Variants in ARIH2 observed in about 807,000 individuals in gnomAD.
The protein encoded by ARIH2 is ariadne RBR E3 ubiquitin protein ligase 2, also known as E3 ubiquitin-protein ligase ARIH2.
ARIH2 carries 12 observed loss-of-function variants against 79.8 expected under a neutral mutation model. The ratio of observed to expected loss-of-function variants is 0.15; its 90% confidence interval spans 0.10 to 0.24. The LOEUF is 0.24. Ranked by LOEUF, ARIH2 falls within the 10% of genes least tolerant of loss-of-function variation. The pLI, the probability that ARIH2 is intolerant of heterozygous loss-of-function variation, is 1.00. For missense variants in ARIH2, 301 were observed against 618.3 expected (o/e 0.49, Z 5.44); for synonymous variants, 224 against 213.9 (o/e 1.05, Z -0.41).
At chr3:48,969,891 TG>T (rs1243691468) in intron 7 of ARIH2, among the ~76,000 whole-genome samples, 1 of 150,080 alleles carries the variant, frequency 6.7e-6, no homozygotes, top group Admixed American at 6.7e-5. Flanking sequence ...CTCAGATATA[TG>T]TTTTTTTTTT....
intron 8 of ARIH2, among the ~76,000 whole-genome samples, chr3:48,971,518 C>T (rs1181732041): frequency 2.0e-5 from 3 of 152,192 alleles, no homozygotes; most frequent in Non-Finnish European, 4.4e-5. Flanking sequence ...GCTGGGATTA[C>T]AGGATTGAGC....
At chr3:48,935,565 T>C (rs1332211118) in intron 3 of ARIH2, among the ~76,000 whole-genome samples, 1 of 152,216 alleles carries the variant, frequency 6.6e-6, no homozygotes, top group Non-Finnish European at 1.5e-5. Flanking sequence ...GGTCAGATGA[T>C]TGGGTTCCAG....
At position 48,980,402 on chromosome 3, in the gene ARIH2, G is replaced by A. The variant is rs757902535; in HGVS notation, c.1163G>A (p.Arg388Gln). 1.7e-5 allele frequency: 27 copies of A among 1,613,950 alleles called. No homozygotes were observed. Among genetic ancestry groups the A allele is most frequent in the Admixed American group, 8.3e-5 (5 of 59,992 alleles). ...SLQLEAQTYQRIHEKIQERVM... is the reference protein window; with the variant it reads ...SLQLEAQTYQQIHEKIQERVM... ...CAGCTAGAGGCACAGACATACCAGC[G>A]GATTCACGAGAAGATTCAGGAGAGG... is the stretch of plus-strand genomic sequence containing the variant. The change falls in exon 13 of 16, where the codon CGG (arginine) becomes CAG (glutamine). Residue 388 changes from arginine (R) to glutamine (Q), a missense_variant. Coordinates refer to ENST00000356401, the MANE Select transcript of ARIH2 (RefSeq NM_006321.4).
intron 11 of ARIH2, among the ~76,000 whole-genome samples, chr3:48,976,489 G>A (rs1022334535): frequency 2.0e-5 from 3 of 152,062 alleles, no homozygotes; most frequent in Non-Finnish European, 4.4e-5. Flanking sequence ...GGGATTACAG[G>A]TGTGAGCCAC....
chr3:48,931,516 T>C (rs1263785339), intron 3 of ARIH2, among the ~76,000 whole-genome samples: 1 of 150,668 alleles, frequency 6.6e-6, no homozygotes, highest in Non-Finnish European at 1.5e-5. Flanking sequence ...ACCACTGCAC[T>C]CCAGCCTGGG....
At chr3:48,922,936 A>G (rs1008610170) in intron 2 of ARIH2, 125 bp downstream of exon 2, 1 of 152,222 alleles carries the variant, frequency 6.6e-6, no homozygotes, top group Non-Finnish European at 1.5e-5. Context: ...GGCCAGGCAC[A>G]GTGGCTTGCA....
chr3:48,980,153 G>A, intron 12 of ARIH2, 200 bp from the exon 13 acceptor site: 3 of 479,212 alleles, frequency 6.3e-6, no homozygotes, highest in African/African-American at 2.0e-5. Context: ...GAAGGGTAGA[G>A]CGATCTGGCA....
At chr3:48,967,714 T>G (rs954420451) in intron 6 of ARIH2, among the ~76,000 whole-genome samples, 1 of 152,214 alleles carries the variant, frequency 6.6e-6, no homozygotes, top group Non-Finnish European at 1.5e-5. Context: ...TTAATTGATA[T>G]CTGCAAAGTC....
At chr3:48,972,806 A>T (rs553534308) in intron 8 of ARIH2, among the ~76,000 whole-genome samples, 2 of 152,284 alleles carry the variant, frequency 1.3e-5, no homozygotes, top group South Asian at 2.1e-4. Context: ...CTTGACCTCC[A>T]GAGCTCAGGC....
At chr3:48,973,338 G>A (rs1231375153) in intron 8 of ARIH2, among the ~76,000 whole-genome samples, 2 of 152,154 alleles carry the variant, frequency 1.3e-5, no homozygotes, top group Admixed American at 6.6e-5. Flanking sequence ...AGCACTTTGG[G>A]AGGCCGAGGT....
chr3:48,970,635 C>G lies in ARIH2; in HGVS notation c.701C>G (p.Pro234Arg). Residue 234 changes from proline to arginine, a missense_variant, in exon 8 of 16, where the codon CCC becomes CGC. Around this residue, in one of 2 missense-constraint regions of ARIH2, gnomAD observed 223 missense variants for 349.4 expected, o/e 0.64. Coordinates refer to ENST00000356401, the MANE Select transcript of ARIH2 (RefSeq NM_006321.4). ...CAGCTGTGCCCTGGTGCAGACTGCC[C>G]CATGGTTATTCGGGTACAGGAGCCT... ...QLQLCPGADC[P>R]MVIRVQEPRA... 6.2e-7 allele frequency: 1 copy of G among 1,614,048 alleles called. No individual in the cohort carries two copies. The highest frequency in any genetic ancestry group is 8.5e-7 in the Non-Finnish European group (1 of 1,179,946).
At chr3:48,979,438 A>C (rs1014343457) in intron 11 of ARIH2, 44 bp from the exon 12 acceptor site, 1 of 1,595,598 alleles carries the variant, frequency 6.3e-7, no homozygotes, top group Middle Eastern at 1.7e-4. Flanking sequence ...AGGAAAGTGG[A>C]GTTGTCTTGT....
intron 3 of ARIH2, among the ~76,000 whole-genome samples, chr3:48,946,423 G>A (rs963511848): frequency 1.3e-5 from 2 of 150,704 alleles, no homozygotes; most frequent in African/African-American, 4.9e-5. Context: ...AACACCTTCT[G>A]TCATCCACTA....
intron 3 of ARIH2, among the ~76,000 whole-genome samples, chr3:48,942,726 G>T (rs891750687): frequency 6.9e-6 from 1 of 145,112 alleles, no homozygotes; most frequent in Non-Finnish European, 1.5e-5. Flanking sequence ...ATCTCAGCTC[G>T]CTGCAACCTC....
At position 48,935,326 on chromosome 3, in the gene ARIH2, T is replaced by C. The variant is rs2086961312; in HGVS notation, c.255+7513T>C. On this transcript the variant is annotated intron_variant, in intron 3 of 15. Transcript: ENST00000356401. ...TATTTTATGCATTCTGCTTTTTTCATGTATATTTCAAACATTTCCCCATTT... is the reference window on the plus strand; with the variant it reads ...TATTTTATGCATTCTGCTTTTTTCACGTATATTTCAAACATTTCCCCATTT... Among the ~76,000 whole-genome samples the C allele has an allele frequency of 2.0e-5, 3 of 152,256 alleles. 1 individual carries two copies. The South Asian group carries it at 6.2e-4, about 31-fold the overall frequency.
At chr3:48,968,701 T>C (rs1421608884) in intron 7 of ARIH2, 46 bp downstream of exon 7, 1 of 1,585,098 alleles carries the variant, frequency 6.3e-7, no homozygotes. Flanking sequence ...GGGCCTACCT[T>C]CCATCAGAGG....
chr3:48,968,401 G>T, intron 6 of ARIH2, 133 bp from the exon 7 acceptor site: 2 of 775,646 alleles, frequency 2.6e-6, no homozygotes, highest in Non-Finnish European at 4.1e-6. Context: ...TAGAGACTGG[G>T]TTTCTCCATA....
intron 3 of ARIH2, among the ~76,000 whole-genome samples, chr3:48,940,877 A>C (rs2107219578): frequency 6.7e-6 from 1 of 150,306 alleles, no homozygotes; most frequent in East Asian, 1.9e-4. Context: ...ATCAAAAAAT[A>C]TATTTGTGCA....
chr3:48,947,685 TTG>T (rs754558292), intron 3 of ARIH2, among the ~76,000 whole-genome samples: 7 of 152,212 alleles, frequency 4.6e-5, no homozygotes, highest in Non-Finnish European at 7.3e-5. Context: ...CCTTTGTATA[TTG>T]TGACGTATGA....
Sources: allele counts gnomAD v4.1 joint callset (sites outside exome capture counted in the v4.1 genomes callset), GRCh38; gene constraint gnomAD v4.1.1; regional missense constraint gnomAD v4.1.1; transcripts MANE v1.5; gene names NCBI Gene and HGNC (gene_info 2026-07-23, HGNC 2026-07-21).